CADM1: variants seen among roughly 807,000 people sequenced by gnomAD.
The protein encoded by CADM1 is TSLC-1.
A neutral mutation model predicts 53.1 loss-of-function variants in CADM1; 15 were observed. The observed-to-expected ratio is 0.28, with a 90% CI of 0.19 to 0.44. The LOEUF is 0.44. Ranked by LOEUF, CADM1 falls within the 20% of genes least tolerant of loss-of-function variation. The pLI is 1.00. For synonymous variants in CADM1, 281 were observed against 243.0 expected, an observed-to-expected ratio of 1.16 and a Z score of -1.45; for missense variants, 434 against 611.3, an observed-to-expected ratio of 0.71 and a Z score of 3.06.
At chr11:115,479,174 T>C (rs1009213278) in intron 1 of CADM1, among the ~76,000 whole-genome samples, 1 of 152,132 alleles carries the variant, frequency 6.6e-6, no homozygotes, top group Non-Finnish European at 1.5e-5. Flanking sequence ...TCTTTAAGAC[T>C]TTTTTGAGAA....
intron 1 of CADM1, among the ~76,000 whole-genome samples, chr11:115,470,637 T>C (rs1231844176): frequency 6.6e-6 from 1 of 152,178 alleles, no homozygotes; most frequent in Non-Finnish European, 1.5e-5. Flanking sequence ...TATATATATA[T>C]CATTCAATAC....
intron 1 of CADM1, among the ~76,000 whole-genome samples, chr11:115,256,273 T>C (rs1021251825): frequency 2.6e-5 from 4 of 152,164 alleles, no homozygotes; most frequent in East Asian, 1.9e-4. Context: ...TGTAAAAATA[T>C]AGGTAACAGC....
At chr11:115,387,519 T>C (rs1946728881) in intron 1 of CADM1, among the ~76,000 whole-genome samples, 1 of 152,166 alleles carries the variant, frequency 6.6e-6, no homozygotes, top group Non-Finnish European at 1.5e-5. Flanking sequence ...TCTACCCTAT[T>C]CTAAGAAAGT....
At chr11:115,489,336 A>G (rs149574182) in intron 1 of CADM1, among the ~76,000 whole-genome samples, 4 of 152,360 alleles carry the variant, frequency 2.6e-5, no homozygotes, top group African/African-American at 7.2e-5. Context: ...ATAGCCCTAA[A>G]AAAGCTGATA....
At chr11:115,269,473 T>C (rs1470535114) in intron 1 of CADM1, among the ~76,000 whole-genome samples, 1 of 152,086 alleles carries the variant, frequency 6.6e-6, no homozygotes, top group Non-Finnish European at 1.5e-5. Context: ...CAAAATGAGG[T>C]TTATGCTCCC....
intron 1 of CADM1, among the ~76,000 whole-genome samples, chr11:115,262,453 T>C (rs1943004191): frequency 6.6e-6 from 1 of 152,210 alleles, no homozygotes; most frequent in African/African-American, 2.4e-5. Context: ...AGGGAGCCTT[T>C]TGTGGTCTCC....
intron 1 of CADM1, among the ~76,000 whole-genome samples, chr11:115,449,054 C>T (rs1435890440): frequency 6.6e-6 from 1 of 152,170 alleles, no homozygotes; most frequent in Non-Finnish European, 1.5e-5. Context: ...AAAAATATCT[C>T]ATCATCTTTT....
chr11:115,236,053 C>T (rs1181899517), intron 3 of CADM1, among the ~76,000 whole-genome samples: 4 of 152,178 alleles, frequency 2.6e-5, no homozygotes, highest in Admixed American at 6.5e-5. Context: ...GCATAGACAA[C>T]ATTAACAAGT....
At chr11:115,269,833 G>A (rs7950069) in intron 1 of CADM1, among the ~76,000 whole-genome samples, 44,227 of 152,062 alleles carry the variant, frequency 0.29, 7,962 homozygotes, top group East Asian at 0.65. Flanking sequence ...TTGAATTGGA[G>A]CACCAAGAAG....
intron 1 of CADM1, among the ~76,000 whole-genome samples, chr11:115,344,366 C>T (rs770032353): frequency 1.3e-5 from 2 of 152,140 alleles, no homozygotes; most frequent in African/African-American, 2.4e-5. Context: ...TCTCTAAGTC[C>T]GGTCCGCCAG....
At chr11:115,500,915 G>C (rs1458990507) in intron 1 of CADM1, among the ~76,000 whole-genome samples, 1 of 152,216 alleles carries the variant, frequency 6.6e-6, no homozygotes, top group Non-Finnish European at 1.5e-5. Flanking sequence ...AAGTGAGAGA[G>C]GAAACGAAAG....
chr11:115,462,054 T>C (rs1948807427), intron 1 of CADM1, among the ~76,000 whole-genome samples: 1 of 152,090 alleles, frequency 6.6e-6, no homozygotes, highest in African/African-American at 2.4e-5. Context: ...CTAGCCCAAG[T>C]GCTGCCAAAT....
chr11:115,335,998 G>T (rs767544482), intron 1 of CADM1, among the ~76,000 whole-genome samples: 6 of 152,118 alleles, frequency 3.9e-5, no homozygotes, highest in Admixed American at 1.3e-4. Flanking sequence ...AATAACTATA[G>T]TTTAACTCAA....
intron 1 of CADM1, among the ~76,000 whole-genome samples, chr11:115,279,524 T>A (rs1478436677): frequency 6.6e-6 from 1 of 152,234 alleles, no homozygotes; most frequent in East Asian, 1.9e-4. Flanking sequence ...CAATAGATTC[T>A]GTATTAGATA....
intron 1 of CADM1, among the ~76,000 whole-genome samples, chr11:115,266,744 T>C (rs1943151168): frequency 6.6e-6 from 1 of 152,242 alleles, no homozygotes; most frequent in Non-Finnish European, 1.5e-5. Flanking sequence ...TATTTCTAAA[T>C]GGAATCTGAG....
At chr11:115,339,836 G>C (rs1250992928) in intron 1 of CADM1, 1 of 151,978 alleles carries the variant, frequency 6.6e-6, no homozygotes, top group Admixed American at 6.6e-5. Context: ...TTTGACCAGA[G>C]AGCTCGGACA....
At chr11:115,218,259 C>T (rs56125643) in intron 5 of CADM1, 1 of 438,954 alleles carries the variant, frequency 2.3e-6, no homozygotes, top group Non-Finnish European at 4.3e-6. Flanking sequence ...TTTTGTTACA[C>T]TGAAGTTTAT....
intron 1 of CADM1, among the ~76,000 whole-genome samples, chr11:115,390,108 A>T (rs1443142186): frequency 6.6e-6 from 1 of 152,142 alleles, no homozygotes; most frequent in East Asian, 1.9e-4. Context: ...TAGTGGGATT[A>T]CTGTGTACCC....
chr11:115,367,407 T>G (rs1045573842), intron 1 of CADM1, among the ~76,000 whole-genome samples: 2 of 152,226 alleles, frequency 1.3e-5, no homozygotes, highest in African/African-American at 4.8e-5. Context: ...TCCATTTGCT[T>G]AACCTACAAA....
Sources: allele counts gnomAD v4.1 joint callset (sites outside exome capture counted in the v4.1 genomes callset), GRCh38; gene constraint gnomAD v4.1.1; transcripts MANE v1.5; gene names NCBI Gene and HGNC (gene_info 2026-07-23, HGNC 2026-07-21).